ZNF385D: variants seen among roughly 807,000 people sequenced by gnomAD.
ZNF385D encodes zinc finger protein 385D, also known as zinc finger protein 659.
ZNF385D carries 15 observed loss-of-function variants against 35.8 expected under a neutral mutation model. The observed-to-expected ratio is 0.42, with a 90% confidence interval of 0.28 to 0.64. The LOEUF (loss-of-function observed/expected upper bound fraction) is 0.64. ZNF385D is among the 30% of genes least tolerant of loss of function. The pLI, the probability that ZNF385D is intolerant of heterozygous loss-of-function variation, is 0.23. For synonymous variants in ZNF385D, 212 were observed against 186.8 expected (o/e 1.13, Z -1.10); for missense variants, 474 against 494.6 (o/e 0.96, Z 0.39).
intron 5 of ZNF385D, among the ~76,000 whole-genome samples, chr3:21,434,882 A>G (rs766975428): frequency 6.6e-6 from 1 of 152,128 alleles, no homozygotes; most frequent in Non-Finnish European, 1.5e-5. Context: ...TCCACCGATT[A>G]GGCCTAAGGT....
At chr3:21,551,558 A>G (rs539489496) in intron 3 of ZNF385D, among the ~76,000 whole-genome samples, 17 of 152,346 alleles carry the variant, frequency 1.1e-4, no homozygotes, top group African/African-American at 3.1e-4. Context: ...TACTTCACTT[A>G]ATAAGCTTAC....
chr3:21,933,187 T>A (rs1701098295), intron 3 of ZNF385D, among the ~76,000 whole-genome samples: 2 of 152,216 alleles, frequency 1.3e-5, no homozygotes, highest in South Asian at 4.1e-4. Context: ...TACACTTGAT[T>A]CAATTTTTTT....
At chr3:21,874,536 G>A (rs780808636) in intron 3 of ZNF385D, among the ~76,000 whole-genome samples, 6 of 151,972 alleles carry the variant, frequency 3.9e-5, no homozygotes, top group Non-Finnish European at 8.8e-5. Flanking sequence ...ATGTATGTGG[G>A]CTTTCTATTC....
chr3:21,701,820 T>C (rs2067694590), intron 1 of ZNF385D, among the ~76,000 whole-genome samples: 1 of 152,126 alleles, frequency 6.6e-6, no homozygotes, highest in South Asian at 2.1e-4. Flanking sequence ...AGTCAAATTT[T>C]ATAGCTCCAA....
intron 3 of ZNF385D, among the ~76,000 whole-genome samples, chr3:22,128,653 G>T (rs143588474): frequency 1.3e-5 from 2 of 152,166 alleles, no homozygotes; most frequent in African/African-American, 4.8e-5. Flanking sequence ...TTATGCTGTT[G>T]AGAGACTCTG....
intron 2 of ZNF385D, among the ~76,000 whole-genome samples, chr3:22,313,171 T>C (rs899885168): frequency 1.0e-4 from 15 of 150,076 alleles, no homozygotes; most frequent in Non-Finnish European, 8.8e-5. Context: ...ACACCACATG[T>C]TCTCACTCAA....
intron 1 of ZNF385D, among the ~76,000 whole-genome samples, chr3:21,691,093 T>C (rs1479073485): frequency 6.6e-6 from 1 of 152,102 alleles, no homozygotes; most frequent in East Asian, 1.9e-4. Flanking sequence ...GACCACATGG[T>C]CAAACAATTA....
At chr3:22,000,777 G>A (rs181823348) in intron 3 of ZNF385D, among the ~76,000 whole-genome samples, 19 of 151,042 alleles carry the variant, frequency 1.3e-4, no homozygotes, top group Admixed American at 6.6e-4. Flanking sequence ...AAAAAAACCC[G>A]TTAATGAAGA....
chr3:22,070,352 G>A (rs1700170447), intron 3 of ZNF385D, among the ~76,000 whole-genome samples: 1 of 152,058 alleles, frequency 6.6e-6, no homozygotes, highest in Admixed American at 6.6e-5. Context: ...CAGAGAAACG[G>A]ATGCCTATGA....
intron 3 of ZNF385D, among the ~76,000 whole-genome samples, chr3:21,534,081 G>A (rs1011574655): frequency 6.6e-6 from 1 of 151,730 alleles, no homozygotes; most frequent in African/African-American, 2.4e-5. Flanking sequence ...CAGCTTATAT[G>A]GCAGTATAAT....
chr3:21,859,205 T>C (rs1487623111), intron 3 of ZNF385D, among the ~76,000 whole-genome samples: 1 of 152,054 alleles, frequency 6.6e-6, no homozygotes, highest in Non-Finnish European at 1.5e-5. Flanking sequence ...TGAGCCTTTC[T>C]GCTCCAGGGG....
Position 22,067,518 on chromosome 3 carries a change from G to T in ZNF385D, c.325+101299C>A, listed in dbSNP as rs111735439. On this transcript the variant is annotated intron_variant, in intron 3 of 5. Transcript: ENST00000494108. ...AAAAGGCTTAGAAATCATCTTTTAA[G>T]CTATGACAAAACAGAAGTGTATATC... Among the ~76,000 whole-genome samples the T allele has an allele frequency of 1.2e-3, 180 of 152,232 alleles. 1 individual carries two copies. Among genetic ancestry groups the T allele is most frequent in the Admixed American group, 3.9e-3 (60 of 15,278 alleles).
chr3:21,926,877 G>C (rs1700753974), intron 3 of ZNF385D, among the ~76,000 whole-genome samples: 1 of 152,148 alleles, frequency 6.6e-6, no homozygotes, highest in African/African-American at 2.4e-5. Context: ...TACAGAATGG[G>C]AGAAAATTTT....
intron 2 of ZNF385D, among the ~76,000 whole-genome samples, chr3:21,629,904 G>A (rs1248354869): frequency 2.0e-5 from 3 of 152,084 alleles, no homozygotes; most frequent in Non-Finnish European, 4.4e-5. Flanking sequence ...GCCAAATGAA[G>A]GTGAGGAAAT....
chr3:22,126,751 C>G (rs948616026), intron 3 of ZNF385D, among the ~76,000 whole-genome samples: 4 of 152,100 alleles, frequency 2.6e-5, no homozygotes, highest in Non-Finnish European at 5.9e-5. Context: ...TTTCTGTGTG[C>G]ATTATCTGCC....
At chr3:22,042,225 T>C (rs1698710360) in intron 3 of ZNF385D, among the ~76,000 whole-genome samples, 1 of 152,114 alleles carries the variant, frequency 6.6e-6, no homozygotes, top group African/African-American at 2.4e-5. Flanking sequence ...TCTACAAACC[T>C]CATTTCTTAA....
intron 1 of ZNF385D, among the ~76,000 whole-genome samples, chr3:21,695,688 A>T (rs2067445944): frequency 6.6e-6 from 1 of 152,082 alleles, no homozygotes; most frequent in Non-Finnish European, 1.5e-5. Context: ...GCCCAGGAGT[A>T]TGAGATCTTA....
chr3:21,631,240 T>A (rs999356590), intron 2 of ZNF385D, among the ~76,000 whole-genome samples: 1 of 152,098 alleles, frequency 6.6e-6, no homozygotes, highest in Non-Finnish European at 1.5e-5. Context: ...CTCACCTGTT[T>A]CCTTGCAGAC....
intron 2 of ZNF385D, among the ~76,000 whole-genome samples, chr3:21,585,521 T>G (rs1383365281): frequency 6.6e-6 from 1 of 152,152 alleles, no homozygotes; most frequent in Non-Finnish European, 1.5e-5. Flanking sequence ...TAAGCAAACA[T>G]AAAGAAAGGC....
Sources: gnomAD v4.1 joint callset for allele counts (sites outside exome capture counted in the v4.1 genomes callset) on GRCh38, gnomAD v4.1.1 for gene constraint, MANE v1.5 for transcripts, NCBI Gene and HGNC (gene_info 2026-07-23, HGNC 2026-07-21) for gene names.